Variants in PUS1 observed in about 807,000 individuals in gnomAD.
The protein encoded by PUS1 is pseudouridine synthase 1.
In PUS1, 25 loss-of-function variants were observed where a neutral mutation model predicts 38.5. The observed-to-expected ratio is 0.65, with a 90% CI of 0.47 to 0.91. The LOEUF (loss-of-function observed/expected upper bound fraction) is 0.91. Ranked by LOEUF, PUS1 falls within the 40% of genes least tolerant of loss-of-function variation. PUS1 has a pLI of 0.00. For missense variants in PUS1, 597 were observed against 612.3 expected (o/e 0.97, Z 0.26); for synonymous variants, 282 against 260.4 (o/e 1.08, Z -0.80).
At position 131,941,611 on chromosome 12, in the gene PUS1, C is replaced by T; in HGVS notation, c.864C>T (p.Ser288=). 2.5e-6 allele frequency: 4 copies of T among 1,614,220 alleles called. No homozygotes were observed. Among genetic ancestry groups the T allele is most frequent in the Non-Finnish European group, 3.4e-6 (4 of 1,180,040 alleles). ...CGGTGATCAGGGTGAAGGGCCAGAG[C>T]TTCATGATGCATCAGATCCGGAAGA... is the stretch of plus-strand genomic sequence containing the variant. The part of the protein sequence containing the change: ...EFAVIRVKGQ[S]FMMHQIRKMV... Residue 288 remains serine, a synonymous_variant, in exon 5 of 6, where the codon AGC becomes AGT. Coordinates refer to ENST00000376649, the MANE Select transcript of PUS1 (RefSeq NM_025215.6). The surrounding 1 kb of genome is among the most constrained non-coding windows in gnomAD (Gnocchi z 4.4).
At chr12:131,943,120 T>A (rs918780792) in intron 5 of PUS1, among the ~76,000 whole-genome samples, 2 of 152,230 alleles carry the variant, frequency 1.3e-5, no homozygotes, top group Non-Finnish European at 2.9e-5. Context: ...TTTTAAGTGC[T>A]GGTAGTTAAT....
chr12:131,931,097 A>G (rs1268654221), intron 2 of PUS1, among the ~76,000 whole-genome samples: 1 of 152,258 alleles, frequency 6.6e-6, no homozygotes, highest in Admixed American at 6.5e-5. Context: ...CAAAAGTTTA[A>G]GAAAATAATG....
chr12:131,932,830 G>C (rs1890667109), intron 3 of PUS1: 1 of 454,028 alleles, frequency 2.2e-6, no homozygotes. Context: ...AGCCTCCCGA[G>C]TAGGTGGGTG....
chr12:131,937,620 C>T (rs1437967167), intron 3 of PUS1, among the ~76,000 whole-genome samples: 2 of 152,236 alleles, frequency 1.3e-5, no homozygotes, highest in Non-Finnish European at 2.9e-5. Flanking sequence ...AGGCGATCCG[C>T]CTGCCCCGGC....
At position 131,941,324 on chromosome 12, in the gene PUS1, A is replaced by C; in HGVS notation, c.577A>C (p.Lys193Gln). ...GCGGGTCACGGGCGGGTTTAACTCCAAGAACAGATGTGATGCCAGGACCTA... is the reference window on the plus strand; with the variant it reads ...GCGGGTCACGGGCGGGTTTAACTCCCAGAACAGATGTGATGCCAGGACCTA... ...LKRVTGGFNS[K>Q]NRCDARTYCY... The change falls in exon 5 of 6, where the codon AAG becomes CAG. Residue 193 changes from lysine to glutamine, a missense_variant. Transcript: ENST00000376649. The surrounding 1 kb of genome is among the most constrained non-coding windows in gnomAD (Gnocchi z 4.4). The C allele has an allele frequency of 6.2e-7, 1 of 1,614,138 alleles. No individual in the cohort carries two copies. The highest frequency in any genetic ancestry group is 8.5e-7 in the Non-Finnish European group (1 of 1,180,030).
Position 131,945,400 on chromosome 12 carries a change from C to T in PUS1, c.*1814C>T, listed in dbSNP as rs1252012668. On this transcript the variant is annotated 3_prime_UTR_variant, in exon 6 of 6. Transcript: ENST00000376649. ...AGGGATGGATGAGCTGGGCCGTTAA[C>T]TGGAACGGGAGACAGGGAAAGGAAT... The T allele has an allele frequency of 6.6e-6, 1 of 152,306 alleles. No individual in the cohort carries two copies. The highest frequency in any genetic ancestry group is 6.5e-5 in the Admixed American group (1 of 15,280). 9.4% of individuals were successfully genotyped at this position (152,306 alleles called of 1,614,324 possible).
chr12:131,937,125 G>A (rs7976962), intron 3 of PUS1, among the ~76,000 whole-genome samples: 33,478 of 152,050 alleles, frequency 0.22, 5,994 homozygotes, highest in African/African-American at 0.49. Flanking sequence ...AGAACATCTC[G>A]TTTCATTCTG....
chr12:131,935,129 CAA>C (rs758235956), intron 3 of PUS1, among the ~76,000 whole-genome samples: 29 of 149,262 alleles, frequency 1.9e-4, no homozygotes, highest in Non-Finnish European at 3.9e-4. Flanking sequence ...GGTGAGAACA[CAA>C]AGAGGGATCC....
chr12:131,930,223 T>C (rs1890539307), intron 2 of PUS1, 88 bp downstream of exon 2: 6 of 955,418 alleles, frequency 6.3e-6, no homozygotes, highest in Non-Finnish European at 8.5e-6. Context: ...TGGGTTTAGG[T>C]GCAGGAGCGG....
Position 131,939,310 on chromosome 12 carries a change from T to C in PUS1, c.544+35T>C, listed in dbSNP as rs775772089. On this transcript the variant is annotated intron_variant, in intron 4 of 5. Transcript: ENST00000376649. ...GCAGTGCAGGCGGCCACACACCTGGTTGTAGATGGTCTTGCAGAGACACGA... is the reference window on the plus strand; with the variant it reads ...GCAGTGCAGGCGGCCACACACCTGGCTGTAGATGGTCTTGCAGAGACACGA... 6.8e-6 allele frequency: 9 copies of C among 1,327,282 alleles called. No homozygotes were observed. The Admixed American group carries it at 1.8e-4, about 26-fold the overall frequency. The allele number at this position is 1,327,282 out of a possible 1,614,324, so 82.2% of individuals were successfully genotyped here. A position where few individuals can be genotyped will look rare whatever the true frequency, so the allele number is the denominator to read the frequency against.
chr12:131,934,292 T>G (rs1890731471), intron 3 of PUS1, among the ~76,000 whole-genome samples: 1 of 152,160 alleles, frequency 6.6e-6, no homozygotes, highest in Non-Finnish European at 1.5e-5. Context: ...GAGCAGAGTG[T>G]TCTCTGACTA....
At chr12:131,940,905 A>C in intron 4 of PUS1, 1 of 222,728 alleles carries the variant, frequency 4.5e-6, no homozygotes, top group Non-Finnish European at 9.1e-6. Context: ...ACATAATTAT[A>C]CATACTTATG....
chr12:131,941,290 A>T lies in PUS1; in HGVS notation c.545-2A>T, dbSNP rs1399740294. 6.2e-7 allele frequency: 1 copy of T among 1,613,788 alleles called. No individual in the cohort carries two copies. On this transcript the variant is annotated splice_acceptor_variant, in intron 4 of 5. Transcript: ENST00000376649. LOFTEE classifies it high-confidence loss of function. This position sits in a 1 kb window ranked among gnomAD's most constrained non-coding sequence, Gnocchi z 4.4. ...TCTCCTCCCTGACCACCTCCCCCCT[A>T]GGACTGAAGCGGGTCACGGGCGGGT... is the stretch of plus-strand genomic sequence containing the variant.
In PUS1 at chr12:131,941,465, A is replaced by G. The variant is rs749184825; in HGVS notation, c.718A>G (p.Lys240Glu). ...QQVNRLLACY[K>E]GTHNFHNFTS... ...GGTCAACAGGCTCCTGGCCTGCTAC[A>G]AGGGCACGCACAACTTCCACAATTT... is the stretch of plus-strand genomic sequence containing the variant. The change falls in exon 5 of 6, where the codon AAG becomes GAG. Residue 240 changes from lysine to glutamate, a missense_variant. Lys to Glu is a moderately conservative substitution (Grantham distance 56). Coordinates refer to ENST00000376649, the MANE Select transcript of PUS1 (RefSeq NM_025215.6). This position sits in a 1 kb window ranked among gnomAD's most constrained non-coding sequence, Gnocchi z 4.4. 10 of 1,613,356 alleles carry G rather than the reference A, an allele frequency of 6.2e-6. No individual in the cohort carries two copies. The highest frequency in any genetic ancestry group is 6.8e-6 in the Non-Finnish European group (8 of 1,179,316).
chr12:131,942,453 C>T (rs1185505286), intron 5 of PUS1, among the ~76,000 whole-genome samples: 2 of 152,078 alleles, frequency 1.3e-5, no homozygotes, highest in East Asian at 1.9e-4. Flanking sequence ...GTCACCCAGG[C>T]TGGAGTGCAG....
At chr12:131,931,965 A>G (rs1037116722) in intron 2 of PUS1, 1 of 652,672 alleles carries the variant, frequency 1.5e-6, no homozygotes, top group Non-Finnish European at 2.8e-6. Flanking sequence ...TCCATTCCAC[A>G]CTACCCACCC....
Position 131,941,288 on chromosome 12 carries a change from CT to C in PUS1, c.545-3del, listed in dbSNP as rs761410867. Reference sequence around the variant, plus strand: ...TTTCTCCTCCCTGACCACCTCCCCCCTAGGACTGAAGCGGGTCACGGGCGGG... The same window carrying C: ...TTTCTCCTCCCTGACCACCTCCCCCCAGGACTGAAGCGGGTCACGGGCGGG... On this transcript the variant is annotated splice_region_variant and splice_polypyrimidine_tract_variant and intron_variant, in intron 4 of 5. Coordinates refer to ENST00000376649, the MANE Select transcript of PUS1 (RefSeq NM_025215.6). The surrounding 1 kb of genome is among the most constrained non-coding windows in gnomAD (Gnocchi z 4.4). The C allele has an allele frequency of 7.9e-5, 127 of 1,613,910 alleles. No individual in the cohort carries two copies. The highest frequency in any genetic ancestry group is 7.6e-4 in the South Asian group (69 of 91,078).
Position 131,941,975 on chromosome 12 carries a change from G to A in PUS1, c.1228G>A (p.Gly410Ser). 2 of 1,612,328 alleles carry A rather than the reference G, an allele frequency of 1.2e-6. No individual in the cohort carries two copies. Among genetic ancestry groups the A allele is most frequent in the Non-Finnish European group, 1.7e-6 (2 of 1,179,742 alleles). The stretch of plus-strand genomic sequence containing the variant: ...CACCGCTCTCACGGCAGGTGGCACG[G>A]GCGCCAAGGTAGGGGCACAGTCCCA... Reference protein sequence around the residue: ...SATALTAGGTGAKVPSPLEGS... With the variant: ...SATALTAGGTSAKVPSPLEGS... The change falls in exon 5 of 6, where the codon GGC becomes AGC. Residue 410 changes from glycine (G) to serine (S), a missense_variant. Coordinates refer to ENST00000376649, the MANE Select transcript of PUS1 (RefSeq NM_025215.6). The surrounding 1 kb of genome is among the most constrained non-coding windows in gnomAD (Gnocchi z 4.4).
chr12:131,936,977 T>C (rs566319318), intron 3 of PUS1, among the ~76,000 whole-genome samples: 12 of 152,222 alleles, frequency 7.9e-5, no homozygotes, highest in Non-Finnish European at 1.6e-4. Flanking sequence ...GTCCCTCAGC[T>C]GTTGACCCCC....
Sources: gnomAD v4.1 joint callset for allele counts (sites outside exome capture counted in the v4.1 genomes callset) on GRCh38, gnomAD v4.1.1 for gene constraint, Gnocchi (gnomAD v3.1) non-coding constraint, MANE v1.5 for transcripts, NCBI Gene and HGNC (gene_info 2026-07-23, HGNC 2026-07-21) for gene names.